Variants in DBH observed in about 807,000 individuals in gnomAD.
The protein encoded by DBH is dopamine beta-hydroxylase.
DBH carries 49 observed loss-of-function variants against 64.0 expected under a neutral mutation model. That is an observed-to-expected ratio of 0.77 (90% CI 0.61 to 0.97). DBH has a LOEUF of 0.97. DBH is among the 50% of genes least tolerant of loss of function. The pLI is 0.00. For missense variants in DBH, 828 were observed against 826.6 expected, an observed-to-expected ratio of 1.00 and a Z score of -0.02; for synonymous variants, 343 against 347.1, an observed-to-expected ratio of 0.99 and a Z score of 0.13.
chr9:133,636,450 G>A lies in DBH; in HGVS notation c.79G>A (p.Ala27Thr). The change falls in exon 1 of 12, where the codon GCC becomes ACC. Residue 27 changes from alanine to threonine, a missense_variant. Transcript: ENST00000393056. ...EAAFMYSTAV[A>T]IFLVILVAAL... ...AGCCTTCATGTACAGCACAGCAGTG[G>A]CCATCTTCCTGGTCATCCTGGTGGC... is the stretch of plus-strand genomic sequence containing the variant. The A allele has an allele frequency of 1.2e-6, 2 of 1,612,722 alleles. No individual in the cohort carries two copies. The highest frequency in any genetic ancestry group is 1.7e-6 in the Non-Finnish European group (2 of 1,179,732).
rs779361375 is a variant in DBH, at chr9:133,656,615, C to T, written c.1527C>T (p.Ala509=). Residue 509 remains alanine (A), a synonymous_variant, in exon 10 of 12, where the codon GCC becomes GCT. Coordinates refer to ENST00000393056, the MANE Select transcript of DBH (RefSeq NM_000787.4). ...QLELCKSAVD[A]GFLQKYFHLI... is the part of the protein sequence containing the mutation. Reference sequence around the variant, plus strand: ...AGCTCTGCAAGAGCGCTGTGGACGCCGGCTTCCTGCAGAAGTACTTCCACC... The same window carrying T: ...AGCTCTGCAAGAGCGCTGTGGACGCTGGCTTCCTGCAGAAGTACTTCCACC... 12 of 1,613,124 alleles carry T rather than the reference C, an allele frequency of 7.4e-6. No homozygotes were observed. Among genetic ancestry groups the T allele is most frequent in the East Asian group, 2.2e-5 (1 of 44,896 alleles).
At chr9:133,655,855 A>G (rs1192162073) in intron 9 of DBH, 4 of 154,858 alleles carry the variant, frequency 2.6e-5, no homozygotes, top group Middle Eastern at 3.4e-3. Context: ...CACGGTCACC[A>G]GCTCCAAGAG....
Position 133,651,782 on chromosome 9 carries a change from G to C in DBH, c.1335+5G>C. On this transcript the variant is annotated splice_donor_5th_base_variant and intron_variant, in intron 7 of 11. Coordinates refer to ENST00000393056, the MANE Select transcript of DBH (RefSeq NM_000787.4). ...CACTACAGCCCTCACTTCCAGGTAG[G>C]AACCTGCACCCCACCCCTGCCCCGC... 1 of 1,574,564 alleles carries C rather than the reference G, an allele frequency of 6.4e-7. No individual in the cohort carries two copies. Among genetic ancestry groups the C allele is most frequent in the African/African-American group, 1.4e-5 (1 of 73,834 alleles).
chr9:133,656,960 G>A, intron 10 of DBH, 110 bp from the exon 11 acceptor site: 1 of 1,300,676 alleles, frequency 7.7e-7, no homozygotes, highest in Non-Finnish European at 1.1e-6. Context: ...GAGGTGGCAG[G>A]ACGGTTGCCC....
At position 133,636,491 on chromosome 9, in the gene DBH, G is replaced by A. The variant is rs200378894; in HGVS notation, c.120G>A (p.Ser40=). ...LVILVAALQG[S]APRESPLPYH... is the part of the protein sequence containing the mutation. Reference sequence around the variant, plus strand: ...TCCTGGTGGCCGCACTGCAGGGCTCGGCTCCCCGTGAGAGCCCCCTCCCCT... The same window carrying A: ...TCCTGGTGGCCGCACTGCAGGGCTCAGCTCCCCGTGAGAGCCCCCTCCCCT... The change falls in exon 1 of 12, where the codon TCG becomes TCA. Residue 40 remains serine (S), a synonymous_variant. Coordinates refer to ENST00000393056, the MANE Select transcript of DBH (RefSeq NM_000787.4). 29 of 1,613,232 alleles carry A rather than the reference G, an allele frequency of 1.8e-5. No homozygotes were observed. In the African/African-American group the frequency reaches 2.4e-4, roughly 13 times the overall value.
Position 133,643,633 on chromosome 9 carries a change from C to T in DBH, c.921+44C>T. 1.9e-6 allele frequency: 3 copies of T among 1,603,472 alleles called. No homozygotes were observed. Among genetic ancestry groups the T allele is most frequent in the Non-Finnish European group, 1.7e-6 (2 of 1,173,362 alleles). On this transcript the variant is annotated intron_variant, in intron 4 of 11. Coordinates refer to ENST00000393056, the MANE Select transcript of DBH (RefSeq NM_000787.4). The surrounding 1 kb of genome is among the most constrained non-coding windows in gnomAD (Gnocchi z 5.3). ...CAGCATGGTGTCTCCTGCCTGGGCC[C>T]CTGGCATCCCCACACCTCTGTTTCC...
chr9:133,650,708 C>T (rs543461785), intron 6 of DBH, among the ~76,000 whole-genome samples: 193 of 151,958 alleles, frequency 1.3e-3, no homozygotes, highest in African/African-American at 4.5e-3. Context: ...CCACCATGCC[C>T]GGCCAATTTT....
chr9:133,639,383 C>T (rs113398676), intron 1 of DBH, among the ~76,000 whole-genome samples: 34 of 152,276 alleles, frequency 2.2e-4, no homozygotes, highest in African/African-American at 7.0e-4. Context: ...GTTCATGTCC[C>T]ACCCTGTTCC....
At chr9:133,658,256 G>A in intron 11 of DBH, 60 bp from the exon 12 acceptor site, 1 of 1,602,176 alleles carries the variant, frequency 6.2e-7, no homozygotes. Context: ...AGTGGCTGGG[G>A]AAGCAGCCAC....
chr9:133,644,098 T>C (rs1322100785), intron 4 of DBH, 120 bp from the exon 5 acceptor site: 5 of 791,362 alleles, frequency 6.3e-6, no homozygotes, highest in African/African-American at 1.7e-5. Context: ...GCTCTAATCC[T>C]GCTGCGCCCC....
chr9:133,647,159 A>G (rs1588350096), intron 5 of DBH, among the ~76,000 whole-genome samples: 1 of 152,146 alleles, frequency 6.6e-6, no homozygotes, highest in African/African-American at 2.4e-5. Context: ...ATTGTTCCTG[A>G]GATGTCAGCT....
Position 133,636,651 on chromosome 9 carries a change from G to A in DBH, c.280G>A (p.Glu94Lys), listed in dbSNP as rs199566547. ...GVLFGMSDRGELENADLVVLW... is the reference protein window; with the variant it reads ...GVLFGMSDRGKLENADLVVLW... ...CCTGTTTGGGATGTCCGACCGTGGC[G>A]AGCTTGAGAACGCAGATCTCGTGGT... The change falls in exon 1 of 12, where the codon GAG becomes AAG. Residue 94 changes from glutamate to lysine, a missense_variant. Glu to Lys is a moderately conservative substitution (Grantham distance 56). Coordinates refer to ENST00000393056, the MANE Select transcript of DBH (RefSeq NM_000787.4). 9.9e-6 allele frequency: 16 copies of A among 1,611,950 alleles called. No homozygotes were observed. The highest frequency in any genetic ancestry group is 9.9e-5 in the South Asian group (9 of 91,070).
At chr9:133,657,383 C>A (rs1832338164) in intron 11 of DBH, 154 bp downstream of exon 11, 1 of 678,362 alleles carries the variant, frequency 1.5e-6, no homozygotes, top group Non-Finnish European at 2.4e-6. Context: ...TAGGCCTAGA[C>A]AGCCAGCCAG....
chr9:133,650,490 CT>C (rs58676861), intron 6 of DBH, among the ~76,000 whole-genome samples: 2,152 of 142,844 alleles, frequency 0.015, 55 homozygotes, highest in African/African-American at 0.054. Flanking sequence ...CTTTTTCTTT[CT>C]TTTCTTTCCT....
intron 10 of DBH, among the ~76,000 whole-genome samples, 158 bp downstream of exon 10, chr9:133,656,808 T>C (rs1419759307): frequency 1.3e-5 from 2 of 152,174 alleles, no homozygotes; most frequent in African/African-American, 2.4e-5. Context: ...CGTTTCCTGC[T>C]GAGTCTGGAT....
At position 133,642,478 on chromosome 9, in the gene DBH, C is replaced by T. The variant is rs772734843; in HGVS notation, c.744+14C>T. On this transcript the variant is annotated intron_variant, in intron 3 of 11. Coordinates refer to ENST00000393056, the MANE Select transcript of DBH (RefSeq NM_000787.4). ...CACATTATCAAGGTACGTGCGGGTC[C>T]AGGGCCGAGGTCCTCGCCCAGCCCT... 1 of 1,596,798 alleles carries T rather than the reference C, an allele frequency of 6.3e-7. No homozygotes were observed. The highest frequency in any genetic ancestry group is 2.3e-5 in the East Asian group (1 of 44,194).
At position 133,658,509 on chromosome 9, in the gene DBH, A is replaced by C; in HGVS notation, c.*62A>C. 5 of 1,508,284 alleles carry C rather than the reference A, an allele frequency of 3.3e-6. No homozygotes were observed. Among genetic ancestry groups the C allele is most frequent in the Non-Finnish European group, 4.5e-6 (5 of 1,123,370 alleles). 93.4% of individuals were successfully genotyped at this position (1,508,284 alleles called of 1,614,324 possible). A position where few individuals can be genotyped will look rare whatever the true frequency, so the allele number is the denominator to read the frequency against. On this transcript the variant is annotated 3_prime_UTR_variant, in exon 12 of 12. Coordinates refer to ENST00000393056, the MANE Select transcript of DBH (RefSeq NM_000787.4). ...CTGTGGGCTCACACCGGCACTGTGC[A>C]CTCTACTCTGCGACGATCCCCATGG...
chr9:133,640,812 G>A (rs1423518314), intron 2 of DBH, among the ~76,000 whole-genome samples: 1 of 152,252 alleles, frequency 6.6e-6, no homozygotes, highest in South Asian at 2.1e-4. Flanking sequence ...AGAGCCCTGG[G>A]TTTGGTCAGG....
In DBH at chr9:133,651,680, C is replaced by G. The variant is rs775574103; in HGVS notation, c.1238C>G (p.Thr413Arg). The change falls in exon 7 of 12, where the codon ACA becomes AGA. Residue 413 changes from threonine to arginine, a missense_variant. By Grantham distance (71) the Thr-to-Arg change is moderately conservative. Coordinates refer to ENST00000393056, the MANE Select transcript of DBH (RefSeq NM_000787.4). ...GIHIFASQLH[T>R]HLTGRKVVTV... The stretch of plus-strand genomic sequence containing the variant: ...CACATCTTCGCCTCTCAGCTCCACA[C>G]ACACCTGACTGGGAGAAAGGTGGTC... The G allele has an allele frequency of 6.2e-7, 1 of 1,613,954 alleles. No individual in the cohort carries two copies. The highest frequency in any genetic ancestry group is 8.5e-7 in the Non-Finnish European group (1 of 1,180,012).
Sources: gnomAD v4.1 joint callset for allele counts (sites outside exome capture counted in the v4.1 genomes callset) on GRCh38, gnomAD v4.1.1 for gene constraint, Gnocchi (gnomAD v3.1) non-coding constraint, MANE v1.5 for transcripts, NCBI Gene and HGNC (gene_info 2026-07-23, HGNC 2026-07-21) for gene names.